SZRD1: variants seen among roughly 807,000 people sequenced by gnomAD.
The protein encoded by SZRD1 is SUZ RNA binding domain containing 1.
A neutral mutation model predicts 17.6 loss-of-function variants in SZRD1; 7 were observed. The ratio of observed to expected loss-of-function variants is 0.40; its 90% CI spans 0.23 to 0.75. The LOEUF (loss-of-function observed/expected upper bound fraction) is 0.75, where lower values mean the gene tolerates loss of function less well. Among genes scored for constraint, SZRD1 ranks in the 30% least tolerant of loss-of-function variants. The pLI, the probability that SZRD1 is intolerant of heterozygous loss-of-function variation, is 0.38. For synonymous variants in SZRD1, 77 were observed against 77.9 expected (o/e 0.99, Z 0.06); for missense variants, 178 against 201.8 (o/e 0.88, Z 0.71).
chr1:16,384,020 C>A (rs1371486962), intron 1 of SZRD1, among the ~76,000 whole-genome samples: 3 of 152,138 alleles, frequency 2.0e-5, no homozygotes, highest in Admixed American at 1.3e-4. Flanking sequence ...TGTGAAGCAT[C>A]CCTGTAAAAT....
rs558619866 is a variant in SZRD1 at position 16,390,627 on chromosome 1, G to A, written c.52-748G>A. 39 of 152,232 alleles carry A rather than the reference G, an allele frequency of 2.6e-4. 1 individual carries two copies. Among genetic ancestry groups the A allele is most frequent in the Admixed American group, 2.2e-3 (34 of 15,286 alleles). 9.4% of individuals were successfully genotyped at this position (152,232 alleles called of 1,614,324 possible). ...CATAGGTTTTACTCTAAGCCTTTCGGTAGGTGCCAGTCACAGAGAGTTCAA... is the reference window on the plus strand; with the variant it reads ...CATAGGTTTTACTCTAAGCCTTTCGATAGGTGCCAGTCACAGAGAGTTCAA... On this transcript the variant is annotated intron_variant, in intron 1 of 3. Transcript: ENST00000401088.
intron 1 of SZRD1, among the ~76,000 whole-genome samples, chr1:16,378,950 C>A (rs1171027274): frequency 2.0e-5 from 3 of 151,552 alleles, no homozygotes; most frequent in Non-Finnish European, 4.4e-5. Flanking sequence ...TGGTCTCGAG[C>A]TCCTGACCTC....
At chr1:16,395,008 C>T in intron 3 of SZRD1, 30 bp from the exon 4 acceptor site, 2 of 1,286,436 alleles carry the variant, frequency 1.6e-6, no homozygotes, top group Non-Finnish European at 2.3e-6. Context: ...TATCCTTCTT[C>T]AGGCCTTCCT....
At chr1:16,385,711 A>G (rs1484034709) in intron 1 of SZRD1, among the ~76,000 whole-genome samples, 1 of 152,178 alleles carries the variant, frequency 6.6e-6, no homozygotes, top group Non-Finnish European at 1.5e-5. Flanking sequence ...CTCCTTGGGA[A>G]TGATCTTATC....
chr1:16,394,628 G>A (rs921555761), intron 3 of SZRD1, among the ~76,000 whole-genome samples: 3 of 152,176 alleles, frequency 2.0e-5, no homozygotes, highest in Admixed American at 2.0e-4. Context: ...GGCTTGCGGA[G>A]CCAGAGTGAC....
Position 16,389,680 on chromosome 1 carries a change from C to G in SZRD1, c.52-1695C>G, listed in dbSNP as rs562493975. On this transcript the variant is annotated intron_variant, in intron 1 of 3. Coordinates refer to ENST00000401088, the MANE Select transcript of SZRD1 (RefSeq NM_001114600.3). ...CAGGATGGTCTCAATCTCCTGCCCT[C>G]GTGATCCGCCCGCCTCGGCCTCCCA... Among the ~76,000 whole-genome samples, 6 of 152,198 alleles carry G rather than the reference C, an allele frequency of 3.9e-5. No individual in the cohort carries two copies. The South Asian group carries it at 1.0e-3, about 26-fold the overall frequency.
At chr1:16,387,813 AT>A (rs2085151446) in intron 1 of SZRD1, 1 of 409,070 alleles carries the variant, frequency 2.4e-6, no homozygotes, top group Non-Finnish European at 4.9e-6. Flanking sequence ...CAATAGACTA[AT>A]ATGAGCTGTA....
Position 16,392,489 on chromosome 1 carries a change from G to A in SZRD1, c.102-739G>A, listed in dbSNP as rs187479307. Among the ~76,000 whole-genome samples the A allele has an allele frequency of 1.3e-3, 201 of 152,124 alleles. 1 individual carries two copies. Among genetic ancestry groups the A allele is most frequent in the African/African-American group, 4.3e-3 (179 of 41,484 alleles). On this transcript the variant is annotated intron_variant, in intron 2 of 3. Coordinates refer to ENST00000401088, the MANE Select transcript of SZRD1 (RefSeq NM_001114600.3). ...GTGGACACATCGCCTTGATGTACGC[G>A]TCCACCAGCCTTGGACAATGCTTTT...
rs2085319809 is a variant in SZRD1, at chr1:16,396,816, G to A, written c.*1676G>A. The stretch of plus-strand genomic sequence containing the variant: ...GTCCTCTCCTCCGGAGGAAGGGCCA[G>A]CTGCCAGCTGAGTCAGCAGCTAGTC... On this transcript the variant is annotated 3_prime_UTR_variant, in exon 4 of 4. Coordinates refer to ENST00000401088, the MANE Select transcript of SZRD1 (RefSeq NM_001114600.3). 6.6e-6 allele frequency: 1 copy of A among 152,372 alleles called. No individual in the cohort carries two copies. Among genetic ancestry groups the A allele is most frequent in the Non-Finnish European group, 1.5e-5 (1 of 68,154 alleles). The allele number at this position is 152,372 out of a possible 1,614,324, so 9.4% of individuals were successfully genotyped here.
chr1:16,373,670 T>A (rs1337393317), intron 1 of SZRD1, among the ~76,000 whole-genome samples: 5 of 151,756 alleles, frequency 3.3e-5, no homozygotes, highest in African/African-American at 1.2e-4. Context: ...CAATGATGAC[T>A]TACTGCTGTC....
intron 1 of SZRD1, chr1:16,387,846 C>T (rs898949000): frequency 8.1e-6 from 3 of 370,896 alleles, no homozygotes; most frequent in African/African-American, 6.4e-5. Context: ...GGTAATAACA[C>T]TGGTATTAAT....
chr1:16,382,908 C>A (rs527623141), intron 1 of SZRD1, among the ~76,000 whole-genome samples: 4 of 152,150 alleles, frequency 2.6e-5, no homozygotes, highest in South Asian at 2.1e-4. Flanking sequence ...CTCTCTCCCC[C>A]CTGCTAGAGT....
chr1:16,382,324 A>G (rs929287317), intron 1 of SZRD1, among the ~76,000 whole-genome samples: 2 of 150,416 alleles, frequency 1.3e-5, no homozygotes, highest in Admixed American at 1.3e-4. Context: ...AGTAGCTGGG[A>G]CTACAGGTGC....
In SZRD1 at chr1:16,395,351, C is replaced by A; in HGVS notation, c.*211C>A. On this transcript the variant is annotated 3_prime_UTR_variant, in exon 4 of 4. Coordinates refer to ENST00000401088, the MANE Select transcript of SZRD1 (RefSeq NM_001114600.3). ...CTCCCCCTTCCCACTGTGATTGGCA[C>A]ATCGACAAGGGCTGTCCCAAGTCAA... is the stretch of plus-strand genomic sequence containing the variant. 1 of 591,686 alleles carries A rather than the reference C, an allele frequency of 1.7e-6. No individual in the cohort carries two copies. The highest frequency in any genetic ancestry group is 3.1e-6 in the Non-Finnish European group (1 of 319,460). The allele number at this position is 591,686 out of a possible 1,614,324, so 36.7% of individuals were successfully genotyped here. A position where few individuals can be genotyped will look rare whatever the true frequency, so the allele number is the denominator to read the frequency against.
chr1:16,384,375 C>CAAAA (rs58963543), intron 1 of SZRD1, among the ~76,000 whole-genome samples: 1 of 111,066 alleles, frequency 9.0e-6, no homozygotes. Context: ...CCGTCTCCAC[C>CAAAA]AAAAAAAAAA....
At chr1:16,377,999 A>G (rs1010324770) in intron 1 of SZRD1, among the ~76,000 whole-genome samples, 3 of 152,168 alleles carry the variant, frequency 2.0e-5, no homozygotes, top group Non-Finnish European at 4.4e-5. Context: ...ACGAAAATCA[A>G]CAGGGAGAAG....
Position 16,391,270 on chromosome 1 carries a change from G to A in SZRD1, c.52-105G>A, listed in dbSNP as rs567344285. On this transcript the variant is annotated intron_variant, in intron 1 of 3. Transcript: ENST00000401088. The surrounding 1 kb of genome is among the most constrained non-coding windows in gnomAD (Gnocchi z 4.3). ...TTGTTATGTTGAAGGACACAGTCAT[G>A]TCCCTGGCTAGAGAAAGGACACTGC... 4.7e-5 allele frequency: 39 copies of A among 832,368 alleles called. No individual in the cohort carries two copies. Among genetic ancestry groups the A allele is most frequent in the Non-Finnish European group, 7.6e-5 (39 of 514,428 alleles). The allele number at this position is 832,368 out of a possible 1,614,324, so 51.6% of individuals were successfully genotyped here. A position where few individuals can be genotyped will look rare whatever the true frequency, so the allele number is the denominator to read the frequency against.
intron 1 of SZRD1, among the ~76,000 whole-genome samples, chr1:16,382,613 G>C (rs958966975): frequency 2.0e-5 from 3 of 151,718 alleles, no homozygotes; most frequent in Non-Finnish European, 4.4e-5. Flanking sequence ...TCCTGCCTCA[G>C]TCTCCCGAGC....
In SZRD1 at chr1:16,391,278, C is replaced by A; in HGVS notation, c.52-97C>A. 1.1e-6 allele frequency: 1 copy of A among 896,062 alleles called. No homozygotes were observed. Among genetic ancestry groups the A allele is most frequent in the Non-Finnish European group, 1.8e-6 (1 of 569,384 alleles). 55.5% of individuals were successfully genotyped at this position (896,062 alleles called of 1,614,324 possible). A position where few individuals can be genotyped will look rare whatever the true frequency, so the allele number is the denominator to read the frequency against. On this transcript the variant is annotated intron_variant, in intron 1 of 3. Coordinates refer to ENST00000401088, the MANE Select transcript of SZRD1 (RefSeq NM_001114600.3). This position sits in a 1 kb window ranked among gnomAD's most constrained non-coding sequence, Gnocchi z 4.3. ...TTGAAGGACACAGTCATGTCCCTGG[C>A]TAGAGAAAGGACACTGCCCTTAGCT...
Sources: allele counts gnomAD v4.1 joint callset (sites outside exome capture counted in the v4.1 genomes callset), GRCh38; gene constraint gnomAD v4.1.1; non-coding constraint Gnocchi (gnomAD v3.1); transcripts MANE v1.5; gene names NCBI Gene and HGNC (gene_info 2026-07-23, HGNC 2026-07-21).